Variants in WDR49 observed in about 807,000 individuals in gnomAD.
WDR49 encodes WD repeat domain 49, also known as cilia- and flagella-associated protein 337.
In WDR49, 107 loss-of-function variants were observed where a neutral mutation model predicts 119.5. That is an observed-to-expected ratio of 0.90 (90% CI 0.77 to 1.05). WDR49 has a LOEUF of 1.05. Among genes scored for constraint, WDR49 ranks in the 50% least tolerant of loss-of-function variants. WDR49 has a pLI of 0.00. For synonymous variants in WDR49, 425 were observed against 418.8 expected (o/e 1.01, Z -0.18); for missense variants, 1,240 against 1,220.5 (o/e 1.02, Z -0.24).
At chr3:167,649,157 A>G (rs1718260294) in intron 2 of WDR49, among the ~76,000 whole-genome samples, 1 of 152,100 alleles carries the variant, frequency 6.6e-6, no homozygotes, top group South Asian at 2.1e-4. Context: ...GAAGGAAGAT[A>G]TAAGAATAGT....
In WDR49 at chr3:167,478,862, G is replaced by C. The variant is rs771249100; in HGVS notation, c.*16C>G. 3 of 1,536,824 alleles carry C rather than the reference G, an allele frequency of 2.0e-6. No individual in the cohort carries two copies. The highest frequency in any genetic ancestry group is 1.7e-4 in the Middle Eastern group (1 of 5,830). ...TATCTGTACCTTATGTAACAGTGAA[G>C]GTTTTTCTGTTGTAATTACTTCTTA... On this transcript the variant is annotated 3_prime_UTR_variant, in exon 19 of 19. Transcript: ENST00000682715.
At chr3:167,576,618 A>G (rs941145378) in intron 7 of WDR49, among the ~76,000 whole-genome samples, 3 of 152,182 alleles carry the variant, frequency 2.0e-5, no homozygotes, top group African/African-American at 7.2e-5. Flanking sequence ...AAAAATGATC[A>G]GAGTGGTGCA....
At chr3:167,571,963 T>A (rs1388148953) in intron 8 of WDR49, among the ~76,000 whole-genome samples, 1 of 152,188 alleles carries the variant, frequency 6.6e-6, no homozygotes, top group Non-Finnish European at 1.5e-5. Flanking sequence ...ACCTACATCA[T>A]TAGGATGAGA....
chr3:167,507,168 G>A (rs537262633), intron 16 of WDR49, among the ~76,000 whole-genome samples: 22 of 152,180 alleles, frequency 1.4e-4, no homozygotes, highest in African/African-American at 4.8e-4. Context: ...AGAGGGGATG[G>A]GGGGGTAGTT....
chr3:167,627,642 G>T (rs145871632), intron 2 of WDR49, among the ~76,000 whole-genome samples: 12 of 152,118 alleles, frequency 7.9e-5, no homozygotes, highest in East Asian at 1.9e-4. Flanking sequence ...GCAAGGAAAG[G>T]TTCTCCCCTA....
chr3:167,609,132 A>G (rs1359296346), intron 5 of WDR49, among the ~76,000 whole-genome samples: 4 of 152,204 alleles, frequency 2.6e-5, no homozygotes, highest in Non-Finnish European at 4.4e-5. Flanking sequence ...ACATCGTGGC[A>G]GGGTAGGAAA....
intron 10 of WDR49, among the ~76,000 whole-genome samples, chr3:167,539,076 A>G (rs1333542187): frequency 6.6e-6 from 1 of 152,206 alleles, no homozygotes; most frequent in Non-Finnish European, 1.5e-5. Flanking sequence ...GAAGCCATAG[A>G]GTAAATATGG....
At chr3:167,518,567 T>A (rs1449142630) in intron 16 of WDR49, among the ~76,000 whole-genome samples, 3 of 151,316 alleles carry the variant, frequency 2.0e-5, no homozygotes, top group Non-Finnish European at 4.4e-5. Flanking sequence ...CTTTGCCCAC[T>A]TTTTGATGGG....
intron 16 of WDR49, among the ~76,000 whole-genome samples, chr3:167,509,785 C>T (rs1751896633): frequency 6.6e-6 from 1 of 152,076 alleles, no homozygotes; most frequent in South Asian, 2.1e-4. Context: ...AATTTGTAAA[C>T]AGTCTACATA....
At chr3:167,597,425 C>G (rs1003739005) in intron 7 of WDR49, among the ~76,000 whole-genome samples, 2 of 152,184 alleles carry the variant, frequency 1.3e-5, no homozygotes, top group Non-Finnish European at 1.5e-5. Flanking sequence ...AAAGCCTCCA[C>G]TAAGGCAGTT....
intron 12 of WDR49, 80 bp from the exon 13 acceptor site, chr3:167,531,359 C>A: frequency 2.8e-6 from 4 of 1,448,072 alleles, no homozygotes. Context: ...ATAGCAGGCC[C>A]ACATCTATCA....
chr3:167,587,344 C>T (rs574933529), intron 7 of WDR49, among the ~76,000 whole-genome samples: 3 of 152,290 alleles, frequency 2.0e-5, no homozygotes, highest in African/African-American at 7.2e-5. Context: ...AAAGGTTTCA[C>T]TCAAGTTTTT....
chr3:167,637,288 A>T (rs1048876602), intron 2 of WDR49, among the ~76,000 whole-genome samples: 14 of 151,886 alleles, frequency 9.2e-5, no homozygotes, highest in Non-Finnish European at 1.9e-4. Flanking sequence ...GCTTAATTGA[A>T]GATCAGTTGG....
chr3:167,592,109 C>T (rs994951467), intron 7 of WDR49, among the ~76,000 whole-genome samples: 2 of 152,046 alleles, frequency 1.3e-5, no homozygotes, highest in East Asian at 3.9e-4. Flanking sequence ...AAAATACTAT[C>T]TTATAATCCG....
At chr3:167,611,284 T>C (rs1716324104) in intron 5 of WDR49, among the ~76,000 whole-genome samples, 1 of 152,154 alleles carries the variant, frequency 6.6e-6, no homozygotes, top group Non-Finnish European at 1.5e-5. Context: ...AATAATGGGT[T>C]ATAAGATAGT....
chr3:167,576,060 T>A lies in WDR49; in HGVS notation c.1367A>T (p.His456Leu). 1 of 1,614,176 alleles carries A rather than the reference T, an allele frequency of 6.2e-7. No homozygotes were observed. Among genetic ancestry groups the A allele is most frequent in the South Asian group, 1.1e-5 (1 of 91,088 alleles). The change falls in exon 8 of 19, where the codon CAC becomes CTC. Residue 456 changes from histidine to leucine, a missense_variant. Transcript: ENST00000682715. The part of the protein sequence containing the change: ...PKSQDFRCLF[H>L]FDEAHGRLFI... Reference sequence around the variant, plus strand: ...AAGTCGTCCATGGGCTTCATCAAAGTGGAAGAGACATCTGAAGTCCTGACT... The same window carrying A: ...AAGTCGTCCATGGGCTTCATCAAAGAGGAAGAGACATCTGAAGTCCTGACT...
Position 167,512,906 on chromosome 3 carries a change from G to A in WDR49, c.2775-7490C>T, listed in dbSNP as rs1232094671. On this transcript the variant is annotated intron_variant, in intron 16 of 18. Coordinates refer to ENST00000682715, the MANE Select transcript of WDR49 (RefSeq NM_001366157.1). ...AATAAGACAGGCAGACAAGATAAGA[G>A]AAAGAAGAATGAAAAAGAACAAATG... 3.3e-5 allele frequency among the ~76,000 whole-genome samples: 5 copies of A among 152,230 alleles called. No individual in the cohort carries two copies. The East Asian group carries it at 9.6e-4, about 29-fold the overall frequency.
rs140265975 is a variant in WDR49 at position 167,603,428 on chromosome 3, G to A, written c.1126+873C>T. Reference sequence around the variant, plus strand: ...CTACAGTACTCCTTGAAGATTTGATGTTGGCATATTCACGAATTCATATTC... The same window carrying A: ...CTACAGTACTCCTTGAAGATTTGATATTGGCATATTCACGAATTCATATTC... On this transcript the variant is annotated intron_variant, in intron 6 of 18. Coordinates refer to ENST00000682715, the MANE Select transcript of WDR49 (RefSeq NM_001366157.1). 2.6e-4 allele frequency among the ~76,000 whole-genome samples: 40 copies of A among 152,242 alleles called. No homozygotes were observed. In the East Asian group the frequency reaches 4.8e-3, roughly 18 times the overall value.
intron 16 of WDR49, 144 bp downstream of exon 16, chr3:167,522,171 G>T: frequency 1.6e-6 from 1 of 641,302 alleles, no homozygotes; most frequent in Non-Finnish European, 2.5e-6. Context: ...TCATTCATAC[G>T]CACCTACCAA....
Sources: allele counts gnomAD v4.1 joint callset (sites outside exome capture counted in the v4.1 genomes callset), GRCh38; gene constraint gnomAD v4.1.1; transcripts MANE v1.5; gene names NCBI Gene and HGNC (gene_info 2026-07-23, HGNC 2026-07-21).